SLC35F2: variants seen among roughly 807,000 people sequenced by gnomAD.
SLC35F2 encodes the protein solute carrier family 35 member F2, also known as queuine/queuosine transporter SLC35F2.
Under a neutral mutation model 38.1 loss-of-function variants are expected in SLC35F2, and 25 were observed. That is an observed-to-expected ratio of 0.66 (90% CI 0.48 to 0.92). The LOEUF is 0.92. Among genes scored for constraint, SLC35F2 ranks in the 40% least tolerant of loss-of-function variants. The pLI, the probability that SLC35F2 is intolerant of heterozygous loss-of-function variation, is 0.00. For synonymous variants in SLC35F2, 173 were observed against 181.7 expected, an observed-to-expected ratio of 0.95 and a Z score of 0.38; for missense variants, 409 against 452.9, an observed-to-expected ratio of 0.90 and a Z score of 0.88.
intron 7 of SLC35F2, among the ~76,000 whole-genome samples, chr11:107,795,505 G>GAAGACAATC (rs1297353809): frequency 2.0e-5 from 3 of 152,148 alleles, no homozygotes; most frequent in African/African-American, 7.2e-5. Context: ...GCACAGCAAA[G>GAAGACAATC]AAGACAATCA....
At chr11:107,830,015 C>T (rs538463741) in intron 1 of SLC35F2, among the ~76,000 whole-genome samples, 3 of 151,914 alleles carry the variant, frequency 2.0e-5, no homozygotes, top group Middle Eastern at 3.4e-3. Context: ...AATCCTAGCA[C>T]GTTGGGAAGG....
intron 1 of SLC35F2, among the ~76,000 whole-genome samples, chr11:107,842,398 G>C (rs1860027152): frequency 1.3e-5 from 2 of 151,718 alleles, no homozygotes; most frequent in Admixed American, 6.6e-5. Flanking sequence ...TCTGTTGCCA[G>C]GCTGAAGTGC....
chr11:107,854,442 GATA>G (rs36043913), intron 1 of SLC35F2, among the ~76,000 whole-genome samples: 65,320 of 151,100 alleles, frequency 0.43, 14,165 homozygotes, highest in Admixed American at 0.53. Context: ...AAAAAATGAT[GATA>G]ATAATAATAA....
intron 1 of SLC35F2, among the ~76,000 whole-genome samples, chr11:107,832,498 C>G (rs1859860759): frequency 6.6e-6 from 1 of 152,066 alleles, no homozygotes; most frequent in Non-Finnish European, 1.5e-5. Flanking sequence ...TACTAGTTTT[C>G]AAACAATGAG....
In SLC35F2 at chr11:107,825,516, C is replaced by G. The variant is rs942761491; in HGVS notation, c.111-9551G>C. On this transcript the variant is annotated intron_variant, in intron 1 of 7. Transcript: ENST00000525815. ...CCTCTCCAGTAGCTGGGATTACAGGCGCCTGCCACCACACACAGCTTATTT... is the reference window on the plus strand; with the variant it reads ...CCTCTCCAGTAGCTGGGATTACAGGGGCCTGCCACCACACACAGCTTATTT... Among the ~76,000 whole-genome samples, 7 of 152,052 alleles carry G rather than the reference C, an allele frequency of 4.6e-5. No homozygotes were observed. The South Asian group carries it at 1.0e-3, about 23-fold the overall frequency.
intron 3 of SLC35F2, among the ~76,000 whole-genome samples, chr11:107,809,329 C>CAAAAA (rs61511493): frequency 1.9e-4 from 18 of 96,118 alleles, no homozygotes; most frequent in Non-Finnish European, 2.9e-4. Context: ...ACTCAAAATA[C>CAAAAA]AAAAAAAAAA....
intron 1 of SLC35F2, among the ~76,000 whole-genome samples, chr11:107,845,138 C>T (rs1860085886): frequency 6.6e-6 from 1 of 152,080 alleles, no homozygotes; most frequent in Non-Finnish European, 1.5e-5. Flanking sequence ...TGCTCTTCCC[C>T]CAAGTATATC....
chr11:107,819,628 G>C (rs1859639259), intron 1 of SLC35F2, among the ~76,000 whole-genome samples: 1 of 152,206 alleles, frequency 6.6e-6, no homozygotes, highest in Non-Finnish European at 1.5e-5. Context: ...TAGTGCACCA[G>C]GAGTCTCCAG....
At chr11:107,830,286 TAAG>T (rs1354051546) in intron 1 of SLC35F2, among the ~76,000 whole-genome samples, 1 of 152,066 alleles carries the variant, frequency 6.6e-6, no homozygotes, top group Non-Finnish European at 1.5e-5. Flanking sequence ...AACATTATCC[TAAG>T]AAGAAAATAC....
chr11:107,845,223 T>A (rs1860087568), intron 1 of SLC35F2, among the ~76,000 whole-genome samples: 1 of 152,124 alleles, frequency 6.6e-6, no homozygotes. Context: ...CACAACACCA[T>A]CCTCCTTAGT....
At chr11:107,855,043 T>G (rs919951442) in intron 1 of SLC35F2, among the ~76,000 whole-genome samples, 3 of 152,172 alleles carry the variant, frequency 2.0e-5, no homozygotes, top group African/African-American at 7.2e-5. Flanking sequence ...GTACTGGATA[T>G]CTGGTAAACC....
chr11:107,832,298 T>G (rs1859856517), intron 1 of SLC35F2, among the ~76,000 whole-genome samples: 3 of 152,202 alleles, frequency 2.0e-5, no homozygotes, highest in African/African-American at 7.2e-5. Flanking sequence ...GGAACTGGTT[T>G]ATTCTATTCT....
At chr11:107,839,700 A>T (rs374218662) in intron 1 of SLC35F2, among the ~76,000 whole-genome samples, 2 of 152,072 alleles carry the variant, frequency 1.3e-5, no homozygotes, top group Admixed American at 6.5e-5. Context: ...GTAGCCCAGG[A>T]TGGATTGCAA....
Position 107,841,720 on chromosome 11 carries a change from C to T in SLC35F2, c.110+16938G>A, listed in dbSNP as rs993648615. On this transcript the variant is annotated intron_variant, in intron 1 of 7. Coordinates refer to ENST00000525815, the MANE Select transcript of SLC35F2 (RefSeq NM_017515.5). ...GGCGCAGTGGCTCACACTTGTAATC[C>T]CAGCATTTTGGAAGGATGAGGCAGG... Among the ~76,000 whole-genome samples the T allele has an allele frequency of 1.3e-4, 20 of 151,956 alleles. 1 individual carries two copies. Among genetic ancestry groups the T allele is most frequent in the African/African-American group, 4.4e-4 (18 of 41,350 alleles).
At chr11:107,848,161 C>A (rs1214754306) in intron 1 of SLC35F2, among the ~76,000 whole-genome samples, 2 of 151,990 alleles carry the variant, frequency 1.3e-5, no homozygotes, top group African/African-American at 4.8e-5. Context: ...CTTAATCCCC[C>A]TGAATGATAC....
chr11:107,835,683 G>C (rs541454771), intron 1 of SLC35F2, among the ~76,000 whole-genome samples: 4 of 152,188 alleles, frequency 2.6e-5, no homozygotes, highest in Admixed American at 2.6e-4. Context: ...GCCTGCCTCA[G>C]CCTCCCAAAC....
chr11:107,809,582 A>G, intron 3 of SLC35F2: 1 of 625,926 alleles, frequency 1.6e-6, no homozygotes, highest in Non-Finnish European at 2.0e-6. Context: ...CAGTGAGCCA[A>G]GATCATGCCA....
chr11:107,810,176 T>A (rs973480908), intron 3 of SLC35F2: 42 of 985,358 alleles, frequency 4.3e-5, no homozygotes, highest in Non-Finnish European at 4.7e-5. Context: ...AAACATTACC[T>A]TGTTAGATGC....
At chr11:107,842,988 T>G (rs867216485) in intron 1 of SLC35F2, among the ~76,000 whole-genome samples, 1 of 152,108 alleles carries the variant, frequency 6.6e-6, no homozygotes, top group Non-Finnish European at 1.5e-5. Flanking sequence ...AAGTGAGTGT[T>G]TGTATACAGC....
Sources: allele counts gnomAD v4.1 joint callset (sites outside exome capture counted in the v4.1 genomes callset), GRCh38; gene constraint gnomAD v4.1.1; transcripts MANE v1.5; gene names NCBI Gene and HGNC (gene_info 2026-07-23, HGNC 2026-07-21).